The following PTPRD variants were observed in gnomAD, a reference collection of about 807,000 sequenced individuals.
PTPRD encodes the protein protein tyrosine phosphatase receptor type D, also known as receptor-type tyrosine-protein phosphatase delta.
PTPRD carries 34 observed loss-of-function variants against 214.5 expected under a neutral mutation model. That is an observed-to-expected ratio of 0.16 (90% CI 0.12 to 0.21). The LOEUF is 0.21. PTPRD is among the 10% of genes least tolerant of loss of function. PTPRD has a pLI of 1.00. For synonymous variants in PTPRD, 1,128 were observed against 845.7 expected, an observed-to-expected ratio of 1.33 and a Z score of -5.79; for missense variants, 2,545 against 2,398.7, an observed-to-expected ratio of 1.06 and a Z score of -1.27.
At chr9:10,436,457 C>T (rs908681607) in intron 2 of PTPRD, among the ~76,000 whole-genome samples, 24 of 151,574 alleles carry the variant, frequency 1.6e-4, no homozygotes, top group Admixed American at 5.9e-4. Flanking sequence ...ATTTGTAAGA[C>T]AGGAATTAAT....
chr9:9,984,602 G>C (rs2089042872), intron 4 of PTPRD, among the ~76,000 whole-genome samples: 1 of 152,180 alleles, frequency 6.6e-6, no homozygotes, highest in African/African-American at 2.4e-5. Flanking sequence ...GAATACAAGT[G>C]ATGTCAGGCA....
chr9:10,558,488 A>G (rs541341694), intron 2 of PTPRD, among the ~76,000 whole-genome samples: 3 of 151,876 alleles, frequency 2.0e-5, no homozygotes, highest in Non-Finnish European at 4.4e-5. Context: ...ACCTTCTCTG[A>G]CCCCTCTCCA....
At chr9:9,094,854 C>T (rs1002711366) in intron 10 of PTPRD, among the ~76,000 whole-genome samples, 48 of 152,098 alleles carry the variant, frequency 3.2e-4, no homozygotes, top group African/African-American at 1.0e-3. Context: ...ACACCCAAAT[C>T]AGGCAAAGAC....
intron 7 of PTPRD, among the ~76,000 whole-genome samples, chr9:9,601,353 C>T (rs1000761182): frequency 6.6e-6 from 1 of 151,894 alleles, no homozygotes; most frequent in Admixed American, 6.6e-5. Flanking sequence ...GGAACAGTGA[C>T]CTTCACATCT....
chr9:9,233,255 C>G (rs1446543147), intron 9 of PTPRD, among the ~76,000 whole-genome samples: 1 of 152,094 alleles, frequency 6.6e-6, no homozygotes, highest in East Asian at 1.9e-4. Context: ...GAGTGCCAAG[C>G]AAACGGGGAA....
In PTPRD at chr9:9,155,570, A is replaced by G. The variant is rs538901470; in HGVS notation, c.-143+27734T>C. 5.3e-5 allele frequency among the ~76,000 whole-genome samples: 8 copies of G among 152,314 alleles called. No homozygotes were observed. The East Asian group carries it at 1.4e-3, about 26-fold the overall frequency. ...ATTGCTTATTAGTGCAAGACCTCTC[A>G]GTATGATGGTAAATTTCTAGCCCAG... On this transcript the variant is annotated intron_variant, in intron 10 of 45. Transcript: ENST00000381196.
rs540968658 is a variant in PTPRD, at chr9:9,676,767, C to G, written c.-287+57766G>C. Among the ~76,000 whole-genome samples, 1,522 of 152,232 alleles carry G rather than the reference C, an allele frequency of 1.0e-2. 22 individuals carry two copies. Among genetic ancestry groups the G allele is most frequent in the African/African-American group, 0.035 (1,447 of 41,540 alleles). ...AACGTGTAAAAGTGTTCCTATTTCT[C>G]CACATCCTCTCCAGCACCTGTTGTT... On this transcript the variant is annotated intron_variant, in intron 7 of 45. Coordinates refer to ENST00000381196, the MANE Select transcript of PTPRD (RefSeq NM_002839.4).
intron 11 of PTPRD, among the ~76,000 whole-genome samples, chr9:8,811,835 GCA>G (rs2096812609): frequency 6.6e-6 from 1 of 152,110 alleles, no homozygotes; most frequent in Admixed American, 6.6e-5. Context: ...TGTTTCCTAT[GCA>G]CACTCTTCTT....
chr9:10,451,351 A>G (rs2098840490), intron 2 of PTPRD, among the ~76,000 whole-genome samples: 1 of 151,886 alleles, frequency 6.6e-6, no homozygotes, highest in South Asian at 2.1e-4. Flanking sequence ...GGAGTCTGTG[A>G]TTACAAATAA....
intron 3 of PTPRD, among the ~76,000 whole-genome samples, chr9:10,318,700 C>T (rs2096492669): frequency 6.6e-6 from 1 of 152,042 alleles, no homozygotes; most frequent in African/African-American, 2.4e-5. Flanking sequence ...GCATCCTCTG[C>T]CCCCTAGCTC....
chr9:9,356,639 G>A (rs557857061), intron 9 of PTPRD, among the ~76,000 whole-genome samples: 1 of 151,288 alleles, frequency 6.6e-6, no homozygotes, highest in East Asian at 2.0e-4. Flanking sequence ...TATACAAGAA[G>A]GTTAATTATG....
chr9:9,845,201 T>A (rs2059300857), intron 5 of PTPRD, among the ~76,000 whole-genome samples: 1 of 138,490 alleles, frequency 7.2e-6, no homozygotes, highest in Admixed American at 7.4e-5. Flanking sequence ...TATATAGCTA[T>A]ATATATACTG....
At chr9:8,744,337 T>C (rs908472731) in intron 11 of PTPRD, among the ~76,000 whole-genome samples, 4 of 149,786 alleles carry the variant, frequency 2.7e-5, no homozygotes, top group Non-Finnish European at 5.9e-5. Context: ...TCCGAAAAGA[T>C]ACTTGCACAC....
At chr9:10,319,470 T>C (rs2154426524) in intron 3 of PTPRD, among the ~76,000 whole-genome samples, 1 of 152,182 alleles carries the variant, frequency 6.6e-6, no homozygotes, top group South Asian at 2.1e-4. Flanking sequence ...TTTTACAAGC[T>C]CAATTACCAA....
intron 10 of PTPRD, among the ~76,000 whole-genome samples, chr9:9,132,492 G>A (rs930159444): frequency 6.6e-6 from 1 of 152,160 alleles, no homozygotes; most frequent in African/African-American, 2.4e-5. Flanking sequence ...TATTAAACTA[G>A]ATGAAACATG....
At chr9:9,616,489 G>A (rs1339577181) in intron 7 of PTPRD, among the ~76,000 whole-genome samples, 1 of 151,618 alleles carries the variant, frequency 6.6e-6, no homozygotes, top group Non-Finnish European at 1.5e-5. Context: ...AAATACATAA[G>A]GTTTATTCTA....
intron 14 of PTPRD, among the ~76,000 whole-genome samples, chr9:8,552,864 G>A (rs1179386452): frequency 6.6e-6 from 1 of 152,198 alleles, no homozygotes; most frequent in East Asian, 1.9e-4. Flanking sequence ...CACTGGGGCT[G>A]CTTGTGAGCC....
chr9:9,342,220 C>A (rs1266199098), intron 9 of PTPRD, among the ~76,000 whole-genome samples: 1 of 152,128 alleles, frequency 6.6e-6, no homozygotes, highest in Non-Finnish European at 1.5e-5. Flanking sequence ...GATATTCAAG[C>A]AATACTGTCA....
intron 8 of PTPRD, among the ~76,000 whole-genome samples, chr9:9,522,537 A>T (rs1172832080): frequency 6.6e-6 from 1 of 152,138 alleles, no homozygotes; most frequent in Non-Finnish European, 1.5e-5. Context: ...ATAATAATAG[A>T]TTCTGCAGAG....
Sources: allele counts gnomAD v4.1 joint callset (sites outside exome capture counted in the v4.1 genomes callset), GRCh38; gene constraint gnomAD v4.1.1; transcripts MANE v1.5; gene names NCBI Gene and HGNC (gene_info 2026-07-23, HGNC 2026-07-21).